Variants in SEL1L observed in about 807,000 individuals in gnomAD.
SEL1L encodes the protein protein sel-1 homolog 1.
A neutral mutation model predicts 109.8 loss-of-function variants in SEL1L; 52 were observed. That is an observed-to-expected ratio of 0.47 (90% CI 0.38 to 0.60). The LOEUF (loss-of-function observed/expected upper bound fraction) is 0.60, where lower values mean the gene tolerates loss of function less well. Ranked by LOEUF, SEL1L falls within the 20% of genes least tolerant of loss-of-function variation. The pLI is 0.00. For missense variants in SEL1L, 749 were observed against 962.2 expected, an observed-to-expected ratio of 0.78 and a Z score of 2.93; for synonymous variants, 373 against 339.6, an observed-to-expected ratio of 1.10 and a Z score of -1.08.
intron 3 of SEL1L, among the ~76,000 whole-genome samples, chr14:81,517,522 A>G (rs916092972): frequency 6.6e-6 from 1 of 152,124 alleles, no homozygotes. Flanking sequence ...TCTTGCTACA[A>G]TATCCTCCCC....
In SEL1L at chr14:81,482,812, G is replaced by A. The variant is rs149937472; in HGVS notation, c.2046+1413C>T. On this transcript the variant is annotated intron_variant, in intron 19 of 20. Transcript: ENST00000336735. The stretch of plus-strand genomic sequence containing the variant: ...AGCAGCATTTTGTCAAGAAAATACC[G>A]CATTAGCAAAAATGAACAACTTTCC... 5.0e-3 allele frequency among the ~76,000 whole-genome samples: 757 copies of A among 152,226 alleles called. 6 individuals carry two copies. The highest frequency in any genetic ancestry group is 0.04 in the South Asian group (193 of 4,828).
chr14:81,489,369 C>G, intron 13 of SEL1L, 55 bp from the exon 14 acceptor site: 1 of 1,392,396 alleles, frequency 7.2e-7, no homozygotes. Flanking sequence ...CAAAAATAGG[C>G]AAGAATAAAT....
chr14:81,486,206 C>A, intron 17 of SEL1L, 83 bp downstream of exon 17: 1 of 1,291,368 alleles, frequency 7.7e-7, no homozygotes, highest in South Asian at 1.5e-5. Flanking sequence ...TTCCTAGTAG[C>A]TTTTCTTTTT....
At chr14:81,494,436 G>A (rs1883663090) in intron 11 of SEL1L, among the ~76,000 whole-genome samples, 1 of 152,126 alleles carries the variant, frequency 6.6e-6, no homozygotes, top group South Asian at 2.1e-4. Context: ...TGCAGCCAAA[G>A]CCATTGTTTT....
At chr14:81,522,409 T>C (rs1884946464) in intron 3 of SEL1L, among the ~76,000 whole-genome samples, 1 of 152,218 alleles carries the variant, frequency 6.6e-6, no homozygotes, top group Non-Finnish European at 1.5e-5. Context: ...AAATCTTTTA[T>C]ACCATATTTT....
At chr14:81,518,868 GC>G (rs1428878658) in intron 3 of SEL1L, among the ~76,000 whole-genome samples, 1 of 152,076 alleles carries the variant, frequency 6.6e-6, no homozygotes. Context: ...CTATAAAGAT[GC>G]CTTGGCCAAT....
chr14:81,501,750 A>G (rs1884017208), intron 6 of SEL1L, among the ~76,000 whole-genome samples: 1 of 152,176 alleles, frequency 6.6e-6, no homozygotes, highest in African/African-American at 2.4e-5. Flanking sequence ...TAGCATTATT[A>G]ATGGGGAAAC....
intron 14 of SEL1L, chr14:81,488,940 A>G (rs773315137): frequency 6.6e-5 from 22 of 335,360 alleles, no homozygotes; most frequent in Non-Finnish European, 1.1e-4. Flanking sequence ...TTGAGTAAAA[A>G]AGCAGGCAAG....
Position 81,533,769 on chromosome 14 carries a change from C to G in SEL1L, c.-25G>C, listed in dbSNP as rs1450735661. ...TCCTCCTCTCGGGGCCGGTGCCAAC[C>G]CCTAGAGCTGTCGCCTTCGCCTCTG... On this transcript the variant is annotated 5_prime_UTR_variant, in exon 1 of 21. Transcript: ENST00000336735. 2 of 1,609,512 alleles carry G rather than the reference C, an allele frequency of 1.2e-6. No individual in the cohort carries two copies. Among genetic ancestry groups the G allele is most frequent in the African/African-American group, 1.3e-5 (1 of 74,874 alleles).
Position 81,490,375 on chromosome 14 carries a change from G to A in SEL1L, c.1332+13C>T. ...TATGGTACACATTTCAGTACACTGA[G>A]ACAAAGCCTTACCATGTCAGCAGCT... On this transcript the variant is annotated intron_variant, in intron 13 of 20. Transcript: ENST00000336735. 2 of 1,598,784 alleles carry A rather than the reference G, an allele frequency of 1.3e-6. No homozygotes were observed. The highest frequency in any genetic ancestry group is 1.1e-5 in the South Asian group (1 of 90,718).
At chr14:81,513,101 A>C (rs1309488506) in intron 3 of SEL1L, among the ~76,000 whole-genome samples, 1 of 152,070 alleles carries the variant, frequency 6.6e-6, no homozygotes, top group Non-Finnish European at 1.5e-5. Flanking sequence ...ACCAATCAGC[A>C]CTCTGTAAGA....
intron 3 of SEL1L, among the ~76,000 whole-genome samples, chr14:81,506,953 T>C (rs192004262): frequency 2.3e-3 from 350 of 152,268 alleles, no homozygotes; most frequent in Middle Eastern, 3.4e-3. Flanking sequence ...TGATGGATGC[T>C]ATGGAAAGGA....
intron 20 of SEL1L, 33 bp downstream of exon 20, chr14:81,479,579 A>G: frequency 6.3e-7 from 1 of 1,581,562 alleles, no homozygotes; most frequent in Non-Finnish European, 8.6e-7. Flanking sequence ...TCCATCATTT[A>G]TATTTTAATG....
chr14:81,495,584 G>A (rs1311132507), intron 10 of SEL1L, among the ~76,000 whole-genome samples: 1 of 152,142 alleles, frequency 6.6e-6, no homozygotes, highest in African/African-American at 2.4e-5. Context: ...GCTGCAGTGA[G>A]CTGTGATTGT....
At chr14:81,529,849 TAAG>T (rs1401175178) in intron 1 of SEL1L, among the ~76,000 whole-genome samples, 4 of 152,180 alleles carry the variant, frequency 2.6e-5, no homozygotes, top group African/African-American at 4.8e-5. Flanking sequence ...GAACTTCTGA[TAAG>T]TAGTATTCAG....
chr14:81,504,589 GCTAA>G (rs1413675594), intron 4 of SEL1L, among the ~76,000 whole-genome samples: 4 of 151,978 alleles, frequency 2.6e-5, no homozygotes, highest in Non-Finnish European at 4.4e-5. Context: ...TGTTGGTAAT[GCTAA>G]CTTTTTAAAT....
At chr14:81,501,007 C>G (rs1455483622) in intron 6 of SEL1L, among the ~76,000 whole-genome samples, 1 of 152,194 alleles carries the variant, frequency 6.6e-6, no homozygotes. Flanking sequence ...AGCTCCTCTA[C>G]GTTTTCCAGC....
At chr14:81,506,755 C>CTCTA (rs1244212675) in intron 3 of SEL1L, among the ~76,000 whole-genome samples, 1 of 152,164 alleles carries the variant, frequency 6.6e-6, no homozygotes, top group African/African-American at 2.4e-5. Context: ...CTTTACCATA[C>CTCTA]TCTAGTTCCC....
intron 3 of SEL1L, among the ~76,000 whole-genome samples, chr14:81,521,433 T>C: frequency 6.6e-6 from 1 of 152,126 alleles, no homozygotes; most frequent in East Asian, 1.9e-4. Context: ...AAAGGAAAAT[T>C]CTGAGCAATC....
Sources: allele counts gnomAD v4.1 joint callset (sites outside exome capture counted in the v4.1 genomes callset), GRCh38; gene constraint gnomAD v4.1.1; transcripts MANE v1.5; gene names NCBI Gene and HGNC (gene_info 2026-07-23, HGNC 2026-07-21).